FMNL2: variants seen among roughly 807,000 people sequenced by gnomAD.
FMNL2 encodes the protein formin-like protein 2.
FMNL2 carries 51 observed loss-of-function variants against 130.2 expected under a neutral mutation model. That is an observed-to-expected ratio of 0.39 (90% CI 0.31 to 0.49). The LOEUF (loss-of-function observed/expected upper bound fraction) is 0.49, where lower values mean the gene tolerates loss of function less well. Among genes scored for constraint, FMNL2 ranks in the 20% least tolerant of loss-of-function variants. The pLI is 0.85. For synonymous variants in FMNL2, 465 were observed against 467.1 expected, an observed-to-expected ratio of 1.00 and a Z score of 0.06; for missense variants, 977 against 1,316.2, an observed-to-expected ratio of 0.74 and a Z score of 3.99.
chr2:152,428,303 G>A (rs960423217), intron 1 of FMNL2, among the ~76,000 whole-genome samples: 1 of 152,146 alleles, frequency 6.6e-6, no homozygotes, highest in Non-Finnish European at 1.5e-5. Flanking sequence ...TGGTTTAATG[G>A]CAGTGAGGGA....
chr2:152,364,259 G>GTTTTTTTTTTTTTT (rs1163993397), intron 1 of FMNL2, among the ~76,000 whole-genome samples: 4 of 100,796 alleles, frequency 4.0e-5, no homozygotes, highest in South Asian at 3.3e-4. Flanking sequence ...GGAGGTTTGT[G>GTTTTTTTTTTTTTT]TGTTTTTTTT....
At chr2:152,510,153 A>T (rs940944523) in intron 1 of FMNL2, among the ~76,000 whole-genome samples, 3 of 152,176 alleles carry the variant, frequency 2.0e-5, no homozygotes, top group South Asian at 2.1e-4. Flanking sequence ...ATAATGACTA[A>T]ATTTGACACT....
chr2:152,601,661 T>TC (rs1425087321), intron 9 of FMNL2, among the ~76,000 whole-genome samples: 1 of 71,028 alleles, frequency 1.4e-5, no homozygotes, highest in Non-Finnish European at 3.6e-5. Flanking sequence ...TCTTTTCTTT[T>TC]CTTTTCTTTC....
At chr2:152,524,221 A>G (rs2105412809) in intron 2 of FMNL2, among the ~76,000 whole-genome samples, 1 of 152,366 alleles carries the variant, frequency 6.6e-6, no homozygotes, top group South Asian at 2.1e-4. Flanking sequence ...TAGAGAATAA[A>G]TTCCAGAAAT....
chr2:152,358,971 A>G (rs1009076886), intron 1 of FMNL2, among the ~76,000 whole-genome samples: 1 of 150,270 alleles, frequency 6.7e-6, no homozygotes, highest in Non-Finnish European at 1.5e-5. Flanking sequence ...TTGGTGTTAG[A>G]GAAATTCATC....
chr2:152,513,215 G>T (rs1354248490), intron 1 of FMNL2, among the ~76,000 whole-genome samples: 1 of 152,126 alleles, frequency 6.6e-6, no homozygotes, highest in Non-Finnish European at 1.5e-5. Context: ...ACAGAGAAAT[G>T]ATAACCACCT....
rs192362432 is a variant in FMNL2 at position 152,613,684 on chromosome 2, G to T, written c.1063-1167G>T. Among the ~76,000 whole-genome samples, 143 of 152,280 alleles carry T rather than the reference G, an allele frequency of 9.4e-4. 1 individual carries two copies. The East Asian group carries it at 0.027, about 29-fold the overall frequency. The stretch of plus-strand genomic sequence containing the variant: ...CTCTGGAACCTAATAGAGGTGGTTA[G>T]AAGAGTAATGTAAATGTATGCTATA... On this transcript the variant is annotated intron_variant, in intron 11 of 25. Transcript: ENST00000288670.
intron 1 of FMNL2, among the ~76,000 whole-genome samples, chr2:152,378,600 C>T (rs1273500334): frequency 6.6e-6 from 1 of 152,128 alleles, no homozygotes; most frequent in Non-Finnish European, 1.5e-5. Flanking sequence ...TCTTCCAAAT[C>T]CCCTTCTTGC....
Position 152,617,086 on chromosome 2 carries a change from T to C in FMNL2, c.1213-5T>C. 4 of 1,613,740 alleles carry C rather than the reference T, an allele frequency of 2.5e-6. No homozygotes were observed. The highest frequency in any genetic ancestry group is 3.4e-6 in the Non-Finnish European group (4 of 1,179,722). On this transcript the variant is annotated splice_region_variant and splice_polypyrimidine_tract_variant and intron_variant, in intron 12 of 25. Coordinates refer to ENST00000288670, the MANE Select transcript of FMNL2 (RefSeq NM_052905.4). ...TGTGACAGCTTTCTTTTCAAAATTT[T>C]ACAGTTATCTGAAAAACTGCAAGAC...
At chr2:152,355,099 G>A (rs1330321664) in intron 1 of FMNL2, among the ~76,000 whole-genome samples, 2 of 152,176 alleles carry the variant, frequency 1.3e-5, no homozygotes, top group Non-Finnish European at 2.9e-5. Context: ...GCCTAGCCAT[G>A]TGACTCATTT....
At chr2:152,646,738 T>TTG (rs1476537781) in intron 25 of FMNL2, among the ~76,000 whole-genome samples, 8 of 152,228 alleles carry the variant, frequency 5.3e-5, no homozygotes, top group East Asian at 1.9e-4. Flanking sequence ...AGATAGCATG[T>TTG]ATTCTAGCAG....
chr2:152,486,521 G>A (rs1364975233), intron 1 of FMNL2, among the ~76,000 whole-genome samples: 3 of 152,200 alleles, frequency 2.0e-5, no homozygotes, highest in African/African-American at 2.4e-5. Context: ...CTTTTAAATG[G>A]AAGGTTAAAC....
chr2:152,363,214 C>T (rs1683280573), intron 1 of FMNL2, among the ~76,000 whole-genome samples: 1 of 152,002 alleles, frequency 6.6e-6, no homozygotes, highest in Admixed American at 6.6e-5. Flanking sequence ...AGCTGTTGTC[C>T]CCCCAAAACA....
chr2:152,356,323 C>T (rs1459552289), intron 1 of FMNL2, among the ~76,000 whole-genome samples: 1 of 152,068 alleles, frequency 6.6e-6, no homozygotes, highest in African/African-American at 2.4e-5. Flanking sequence ...AGGGTTTCAC[C>T]ATGTTGGTGA....
At chr2:152,389,991 C>T (rs1685012680) in intron 1 of FMNL2, 15 of 1,497,130 alleles carry the variant, frequency 1.0e-5, no homozygotes, top group Non-Finnish European at 1.4e-5. Context: ...GGCAGAGAGG[C>T]TGCAGCTAGA....
At chr2:152,582,238 T>C (rs1696830808) in intron 9 of FMNL2, among the ~76,000 whole-genome samples, 1 of 152,106 alleles carries the variant, frequency 6.6e-6, no homozygotes, top group South Asian at 2.1e-4. Context: ...ATAAGGGAAA[T>C]ACTGAAATGA....
In FMNL2 at chr2:152,580,968, T is replaced by C; in HGVS notation, c.795T>C (p.Leu265=). The C allele has an allele frequency of 6.2e-7, 1 of 1,613,468 alleles. No homozygotes were observed. The highest frequency in any genetic ancestry group is 8.5e-7 in the Non-Finnish European group (1 of 1,179,758). The change falls in exon 9 of 26, where the codon CTT becomes CTC. Residue 265 remains leucine (L), a synonymous_variant. Coordinates refer to ENST00000288670, the MANE Select transcript of FMNL2 (RefSeq NM_052905.4). ...CTTGTTTTGGCAGAACAAAAGCCCT[T>C]GTCTTAGAACTGTTGGCAGCCGTTT... The part of the protein sequence containing the change: ...LNNKNPRTKA[L]VLELLAAVCL...
intron 1 of FMNL2, among the ~76,000 whole-genome samples, chr2:152,495,132 G>T (rs1225857894): frequency 1.3e-5 from 2 of 152,076 alleles, no homozygotes; most frequent in South Asian, 2.1e-4. Flanking sequence ...ATATTACAAA[G>T]CCTGAATATG....
At chr2:152,420,776 G>A (rs925880257) in intron 1 of FMNL2, among the ~76,000 whole-genome samples, 1 of 152,192 alleles carries the variant, frequency 6.6e-6, no homozygotes, top group African/African-American at 2.4e-5. Flanking sequence ...TGAGGTTGCA[G>A]GGGGTGCCTT....
Sources: gnomAD v4.1 joint callset for allele counts (sites outside exome capture counted in the v4.1 genomes callset) on GRCh38, gnomAD v4.1.1 for gene constraint, MANE v1.5 for transcripts, NCBI Gene and HGNC (gene_info 2026-07-23, HGNC 2026-07-21) for gene names.